Variants in COG3 observed in about 807,000 individuals in gnomAD.
The protein encoded by COG3 is conserved oligomeric Golgi complex subunit 3.
COG3 carries 32 observed loss-of-function variants against 114.1 expected under a neutral mutation model. The ratio of observed to expected loss-of-function variants is 0.28; its 90% CI spans 0.21 to 0.38. COG3 has a LOEUF of 0.38. Among genes scored for constraint, COG3 ranks in the 10% least tolerant of loss-of-function variants. COG3 has a pLI of 1.00. For missense variants in COG3, 813 were observed against 973.2 expected (o/e 0.84, Z 2.19); for synonymous variants, 352 against 365.7 (o/e 0.96, Z 0.43).
intron 12 of COG3, among the ~76,000 whole-genome samples, 175 bp from the exon 13 acceptor site, chr13:45,495,977 G>T (rs1205614625): frequency 6.6e-6 from 1 of 152,120 alleles, no homozygotes; most frequent in Non-Finnish European, 1.5e-5. Flanking sequence ...GAAATTGAAA[G>T]ACATTTATTA....
intron 10 of COG3, 71 bp from the exon 11 acceptor site, chr13:45,492,088 G>C (rs1040167296): frequency 1.1e-6 from 1 of 898,334 alleles, no homozygotes; most frequent in Admixed American, 2.3e-5. Context: ...ATAAAGTGTA[G>C]GCTTTATTTC....
intron 14 of COG3, among the ~76,000 whole-genome samples, chr13:45,504,420 G>A (rs979632170): frequency 2.2e-4 from 34 of 152,252 alleles, no homozygotes; most frequent in Middle Eastern, 3.4e-3. Context: ...CGGGAGAGAC[G>A]AGAGTACATT....
chr13:45,497,784 T>TCAACAACAACAACAACAA (rs1242517110), intron 13 of COG3, among the ~76,000 whole-genome samples: 2,548 of 147,226 alleles, frequency 0.017, 42 homozygotes, highest in East Asian at 0.055. Context: ...AGACCCTGTC[T>TCAACAACAACAACAACAA]CAACAACAAC....
At chr13:45,471,394 G>A (rs933796320) in intron 1 of COG3, among the ~76,000 whole-genome samples, 2 of 152,252 alleles carry the variant, frequency 1.3e-5, no homozygotes, top group East Asian at 1.9e-4. Flanking sequence ...ACTTCAGCCT[G>A]GGTGGCAGAA....
At chr13:45,486,943 TTA>T (rs1199830242) in intron 8 of COG3, among the ~76,000 whole-genome samples, 2 of 152,156 alleles carry the variant, frequency 1.3e-5, no homozygotes, top group Non-Finnish European at 2.9e-5. Context: ...GGAGAGATCT[TTA>T]TACTACAAAG....
At chr13:45,469,459 A>G (rs1555814) in intron 1 of COG3, among the ~76,000 whole-genome samples, 108,434 of 152,020 alleles carry the variant, frequency 0.71, 40,311 homozygotes, top group Middle Eastern at 0.82. Context: ...GCATATTTAT[A>G]GAAGGCAGGA....
rs183745620 is a variant in COG3 at position 45,498,130 on chromosome 13, C to G, written c.1488+1818C>G. Among the ~76,000 whole-genome samples the G allele has an allele frequency of 2.9e-4, 44 of 152,164 alleles. No individual in the cohort carries two copies. In the East Asian group the frequency reaches 8.3e-3, roughly 29 times the overall value. ...GATTCACCAGTTGTTAATATTTCAT[C>G]CCATTTACTTTATCTCTTTGTGTGT... On this transcript the variant is annotated intron_variant, in intron 13 of 22. Transcript: ENST00000349995.
At chr13:45,497,549 C>T (rs569458962) in intron 13 of COG3, among the ~76,000 whole-genome samples, 12 of 152,092 alleles carry the variant, frequency 7.9e-5, no homozygotes, top group South Asian at 2.1e-4. Flanking sequence ...TTTGAGAGGC[C>T]GAGGCGGGAG....
At chr13:45,515,920 T>C (rs1871492851) in intron 16 of COG3, among the ~76,000 whole-genome samples, 1 of 152,214 alleles carries the variant, frequency 6.6e-6, no homozygotes, top group Non-Finnish European at 1.5e-5. Flanking sequence ...TGTCTGACTT[T>C]CTTGGATTTT....
intron 15 of COG3, among the ~76,000 whole-genome samples, chr13:45,511,148 T>A (rs1400647901): frequency 1.8e-5 from 2 of 114,062 alleles, no homozygotes; most frequent in Non-Finnish European, 3.8e-5. Flanking sequence ...CCTATACCAT[T>A]TGGTAACCTG....
intron 1 of COG3, among the ~76,000 whole-genome samples, chr13:45,470,175 G>A (rs1018559379): frequency 1.3e-5 from 2 of 152,202 alleles, no homozygotes; most frequent in Non-Finnish European, 2.9e-5. Flanking sequence ...AAGGGGAGGT[G>A]TGTATACTGT....
At chr13:45,521,532 T>G (rs1414468871) in intron 19 of COG3, among the ~76,000 whole-genome samples, 2 of 151,736 alleles carry the variant, frequency 1.3e-5, no homozygotes, top group Non-Finnish European at 2.9e-5. Context: ...TCAGTTCCCT[T>G]TCATCCTGTG....
chr13:45,515,070 G>A (rs1871399842), intron 16 of COG3, among the ~76,000 whole-genome samples: 1 of 152,204 alleles, frequency 6.6e-6, no homozygotes, highest in Non-Finnish European at 1.5e-5. Flanking sequence ...AAATTAACAT[G>A]ATACTATTTG....
chr13:45,515,535 A>T (rs1344871738), intron 16 of COG3, among the ~76,000 whole-genome samples: 1 of 152,164 alleles, frequency 6.6e-6, no homozygotes, highest in African/African-American at 2.4e-5. Flanking sequence ...TTGAGAACGG[A>T]GTTTGAATCA....
intron 20 of COG3, among the ~76,000 whole-genome samples, 162 bp from the exon 21 acceptor site, chr13:45,529,629 A>T (rs908942669): frequency 6.6e-6 from 1 of 152,202 alleles, no homozygotes; most frequent in Non-Finnish European, 1.5e-5. Context: ...AGGGCTTATG[A>T]TTAAACTTGG....
intron 13 of COG3, among the ~76,000 whole-genome samples, chr13:45,498,294 A>T (rs1446816453): frequency 6.6e-6 from 1 of 151,360 alleles, no homozygotes; most frequent in Non-Finnish European, 1.5e-5. Flanking sequence ...AATTAACATT[A>T]ATTCAATAAT....
chr13:45,489,826 T>C (rs1364778327), intron 8 of COG3, among the ~76,000 whole-genome samples: 2 of 151,990 alleles, frequency 1.3e-5, no homozygotes, highest in Non-Finnish European at 2.9e-5. Context: ...TGGATTTTTT[T>C]TTTTTTTTTG....
intron 22 of COG3, 119 bp from the exon 23 acceptor site, chr13:45,534,583 C>T: frequency 1.9e-6 from 1 of 531,164 alleles, no homozygotes; most frequent in South Asian, 3.7e-5. Context: ...GGTTTGTTAC[C>T]TGGCTGTATT....
chr13:45,473,872 T>C (rs1885679050), intron 1 of COG3, among the ~76,000 whole-genome samples: 1 of 152,228 alleles, frequency 6.6e-6, no homozygotes, highest in Non-Finnish European at 1.5e-5. Flanking sequence ...GATGACACTT[T>C]AGACTCAGGA....
Sources: gnomAD v4.1 joint callset for allele counts (sites outside exome capture counted in the v4.1 genomes callset) on GRCh38, gnomAD v4.1.1 for gene constraint, MANE v1.5 for transcripts, NCBI Gene and HGNC (gene_info 2026-07-23, HGNC 2026-07-21) for gene names.